Variants in SPPL3 observed in about 807,000 individuals in gnomAD.
SPPL3 encodes the protein signal peptide peptidase-like 3.
SPPL3 carries 5 observed loss-of-function variants against 42.4 expected under a neutral mutation model. That is an observed-to-expected ratio of 0.12 (90% confidence interval 0.06 to 0.25). SPPL3 has a LOEUF of 0.25. Among genes scored for constraint, SPPL3 ranks in the 10% least tolerant of loss-of-function variants. The probability of loss-of-function intolerance (pLI) is 1.00; values close to 1 mark genes in which losing one functional copy is unlikely to be tolerated. For missense variants in SPPL3, 235 were observed against 489.0 expected, an observed-to-expected ratio of 0.48 and a Z score of 4.90; for synonymous variants, 195 against 181.8, an observed-to-expected ratio of 1.07 and a Z score of -0.58.
intron 1 of SPPL3, among the ~76,000 whole-genome samples, chr12:120,884,150 G>A (rs1341626727): frequency 6.7e-6 from 1 of 148,372 alleles, no homozygotes; most frequent in Non-Finnish European, 1.5e-5. Context: ...TTTTTAAAAA[G>A]CAAAGGGATG....
At chr12:120,887,433 G>A (rs1215123491) in intron 1 of SPPL3, among the ~76,000 whole-genome samples, 3 of 151,938 alleles carry the variant, frequency 2.0e-5, no homozygotes, top group East Asian at 1.9e-4. Flanking sequence ...ACCCCTCACC[G>A]CCACTTCCAC....
intron 10 of SPPL3, among the ~76,000 whole-genome samples, chr12:120,765,324 C>T (rs1447419796): frequency 6.6e-6 from 1 of 151,750 alleles, no homozygotes; most frequent in African/African-American, 2.4e-5. Flanking sequence ...CACTCTGTCA[C>T]CTAGGCTGGA....
At chr12:120,903,772 C>T (rs1874064043) in intron 1 of SPPL3, 73 bp downstream of exon 1, 1 of 1,065,838 alleles carries the variant, frequency 9.4e-7, no homozygotes, top group Non-Finnish European at 1.3e-6. Flanking sequence ...CCTCCTCTTC[C>T]CCTCGGCGGG....
intron 2 of SPPL3, among the ~76,000 whole-genome samples, chr12:120,798,793 T>C (rs1438381491): frequency 6.6e-6 from 1 of 152,246 alleles, no homozygotes; most frequent in Admixed American, 6.5e-5. Flanking sequence ...CCCTTGGGGC[T>C]ACACAGATTG....
At chr12:120,867,644 ACT>A (rs1872794087) in intron 1 of SPPL3, among the ~76,000 whole-genome samples, 1 of 75,586 alleles carries the variant, frequency 1.3e-5, no homozygotes, top group Admixed American at 1.8e-4. Context: ...ACAGAGCGAG[ACT>A]CTGTCTTAAA....
chr12:120,820,582 C>G (rs1002846580), intron 1 of SPPL3, among the ~76,000 whole-genome samples: 1 of 152,052 alleles, frequency 6.6e-6, no homozygotes, highest in Non-Finnish European at 1.5e-5. Flanking sequence ...TCCCAAAGTG[C>G]TGGGATTACA....
At chr12:120,873,610 T>G (rs138553119) in intron 1 of SPPL3, among the ~76,000 whole-genome samples, 8 of 152,254 alleles carry the variant, frequency 5.3e-5, no homozygotes, top group African/African-American at 1.9e-4. Flanking sequence ...CACAGTGGCT[T>G]ACACCTGCAA....
intron 1 of SPPL3, among the ~76,000 whole-genome samples, chr12:120,863,868 G>A (rs1872684134): frequency 6.9e-6 from 1 of 145,826 alleles, no homozygotes; most frequent in African/African-American, 2.6e-5. Flanking sequence ...TTGCAGAGAT[G>A]GAGCCTTGCT....
intron 1 of SPPL3, among the ~76,000 whole-genome samples, chr12:120,874,436 G>A (rs1425741859): frequency 1.6e-5 from 2 of 126,144 alleles, no homozygotes; most frequent in East Asian, 4.5e-4. Context: ...CTAGATGACA[G>A]AGCGAGACCC....
intron 1 of SPPL3, among the ~76,000 whole-genome samples, chr12:120,830,223 G>C (rs193144144): frequency 8.6e-6 from 1 of 116,116 alleles, no homozygotes; most frequent in Non-Finnish European, 1.7e-5. Context: ...AGAAGCCAAA[G>C]ATGACTACGA....
At chr12:120,839,099 G>A (rs552778968) in intron 1 of SPPL3, among the ~76,000 whole-genome samples, 1 of 151,972 alleles carries the variant, frequency 6.6e-6, no homozygotes, top group South Asian at 2.1e-4. Context: ...CAAAGACTTG[G>A]AACCAACCCA....
chr12:120,797,738 T>C (rs150214235), intron 2 of SPPL3, among the ~76,000 whole-genome samples: 31 of 152,326 alleles, frequency 2.0e-4, no homozygotes, highest in Middle Eastern at 3.4e-3. Context: ...TATCCTATAA[T>C]GAAGAGGTAG....
At chr12:120,872,391 G>C (rs933640923) in intron 1 of SPPL3, among the ~76,000 whole-genome samples, 7 of 152,130 alleles carry the variant, frequency 4.6e-5, no homozygotes, top group African/African-American at 1.7e-4. Flanking sequence ...TCCCCCTCCA[G>C]GGAAAGGAAA....
At chr12:120,815,766 G>A (rs557206323) in intron 1 of SPPL3, among the ~76,000 whole-genome samples, 2 of 151,786 alleles carry the variant, frequency 1.3e-5, no homozygotes, top group African/African-American at 4.8e-5. Flanking sequence ...TCGCTCTGTC[G>A]CCCAGTCTGG....
At chr12:120,818,399 CAA>C (rs1870950014) in intron 1 of SPPL3, among the ~76,000 whole-genome samples, 1 of 152,152 alleles carries the variant, frequency 6.6e-6, no homozygotes. Flanking sequence ...CCTTAATAGA[CAA>C]AGAGTTACCA....
At chr12:120,841,631 A>C (rs909907605) in intron 1 of SPPL3, among the ~76,000 whole-genome samples, 3 of 152,234 alleles carry the variant, frequency 2.0e-5, no homozygotes, top group Admixed American at 2.0e-4. Context: ...TGACTGTGTA[A>C]GTCAGAAGTT....
intron 1 of SPPL3, among the ~76,000 whole-genome samples, chr12:120,881,397 G>A (rs1343539993): frequency 3.4e-5 from 5 of 146,898 alleles, no homozygotes; most frequent in Non-Finnish European, 7.4e-5. Context: ...TGAACCAGGA[G>A]GCAGAGGTTG....
intron 2 of SPPL3, among the ~76,000 whole-genome samples, chr12:120,801,804 G>A (rs1870306797): frequency 6.6e-6 from 1 of 152,150 alleles, no homozygotes; most frequent in South Asian, 2.1e-4. Flanking sequence ...ACTGGGTAAG[G>A]TCCAGATGGC....
chr12:120,835,233 G>A (rs968317231), intron 1 of SPPL3, among the ~76,000 whole-genome samples: 1 of 152,178 alleles, frequency 6.6e-6, no homozygotes. Flanking sequence ...GAAGGCAGAA[G>A]GAAGCTCTTA....
Sources: gnomAD v4.1 joint callset for allele counts (sites outside exome capture counted in the v4.1 genomes callset) on GRCh38, gnomAD v4.1.1 for gene constraint, MANE v1.5 for transcripts, NCBI Gene and HGNC (gene_info 2026-07-23, HGNC 2026-07-21) for gene names.